Variants in KLRD1 observed in about 807,000 individuals in gnomAD.
The protein encoded by KLRD1 is natural killer cells antigen CD94.
A neutral mutation model predicts 22.6 loss-of-function variants in KLRD1; 21 were observed. That is an observed-to-expected ratio of 0.93 (90% CI 0.66 to 1.34). The LOEUF is 1.34. KLRD1 is among the 40% of genes most tolerant of loss of function. The pLI, the probability that KLRD1 is intolerant of heterozygous loss-of-function variation, is 0.00. For synonymous variants in KLRD1, 59 were observed against 71.1 expected (o/e 0.83, Z 0.85); for missense variants, 183 against 208.6 (o/e 0.88, Z 0.76).
rs1021137866 is a variant in KLRD1 at position 10,269,551 on chromosome 12, A to C, written c.-100-38427A>C. 1.6e-4 allele frequency among the ~76,000 whole-genome samples: 24 copies of C among 152,162 alleles called. 1 individual carries two copies. The highest frequency in any genetic ancestry group is 1.1e-3 in the Admixed American group (17 of 15,272). On this transcript the variant is annotated intron_variant, in intron 1 of 5. Transcript: ENST00000544747. ...CTGCAGTATGTAGTAATATTTATTC[A>C]AATTGTCTCTTTTTTCCCAAGTCAT...
intron 1 of KLRD1, among the ~76,000 whole-genome samples, chr12:10,292,115 C>T (rs1267684224): frequency 6.6e-6 from 1 of 152,182 alleles, no homozygotes; most frequent in Non-Finnish European, 1.5e-5. Flanking sequence ...TCAGGCTTCA[C>T]TTCTCATTCT....
At chr12:10,268,203 G>C (rs10845099) in intron 1 of KLRD1, among the ~76,000 whole-genome samples, 111,847 of 152,110 alleles carry the variant, frequency 0.74, 46,143 homozygotes, top group Non-Finnish European at 0.92. Context: ...CAGATGTGGA[G>C]AATTACACTG....
intron 1 of KLRD1, among the ~76,000 whole-genome samples, chr12:10,285,601 G>GT (rs200872556): frequency 3.3e-5 from 5 of 151,822 alleles, no homozygotes; most frequent in East Asian, 3.9e-4. Flanking sequence ...CCTTAAAGTT[G>GT]TTTTTTTTGT....
At chr12:10,284,132 G>A (rs1356392533) in intron 1 of KLRD1, among the ~76,000 whole-genome samples, 1 of 152,128 alleles carries the variant, frequency 6.6e-6, no homozygotes, top group East Asian at 1.9e-4. Flanking sequence ...GTTGCAGTGA[G>A]CCCAGATCGC....
At chr12:10,263,164 C>G (rs1482808919) in intron 1 of KLRD1, among the ~76,000 whole-genome samples, 1 of 151,740 alleles carries the variant, frequency 6.6e-6, no homozygotes, top group Non-Finnish European at 1.5e-5. Context: ...ATTATACAAA[C>G]TCTCTCTAAT....
At chr12:10,263,963 A>G (rs1414343688) in intron 1 of KLRD1, among the ~76,000 whole-genome samples, 1 of 152,110 alleles carries the variant, frequency 6.6e-6, no homozygotes, top group Non-Finnish European at 1.5e-5. Flanking sequence ...GTGGCTAGTC[A>G]TGGACATGAT....
chr12:10,308,924 C>G (rs2137691803), intron 1 of KLRD1: 1 of 154,816 alleles, frequency 6.5e-6, no homozygotes, highest in South Asian at 2.0e-4. Context: ...TGGATACTTA[C>G]TTGCTTTGAT....
At chr12:10,313,787 T>C (rs1332743605) in intron 5 of KLRD1, among the ~76,000 whole-genome samples, 1 of 152,210 alleles carries the variant, frequency 6.6e-6, no homozygotes, top group Non-Finnish European at 1.5e-5. Context: ...AACCATTACA[T>C]GCTTGCCTGT....
At chr12:10,311,686 C>A in intron 4 of KLRD1, 71 bp downstream of exon 4, 1 of 1,485,410 alleles carries the variant, frequency 6.7e-7, no homozygotes, top group Admixed American at 1.8e-5. Flanking sequence ...AAGTTAAATA[C>A]TTTGGTTTAA....
chr12:10,240,972 A>G (rs1435901728), intron 1 of KLRD1, among the ~76,000 whole-genome samples: 1 of 152,068 alleles, frequency 6.6e-6, no homozygotes, highest in Non-Finnish European at 1.5e-5. Context: ...TTTTCTATAT[A>G]TATCCTGTGT....
intron 1 of KLRD1, among the ~76,000 whole-genome samples, chr12:10,275,934 G>T (rs1289698516): frequency 6.6e-6 from 1 of 152,074 alleles, no homozygotes. Flanking sequence ...TTATTACAAT[G>T]CTTCCTCCTA....
intron 1 of KLRD1, among the ~76,000 whole-genome samples, chr12:10,250,951 G>A (rs10845091): frequency 0.75 from 114,339 of 151,960 alleles, 43,575 homozygotes; most frequent in East Asian, 1. Flanking sequence ...GCCATGTTTC[G>A]TTCATTTACC....
In KLRD1 at chr12:10,309,668, C is replaced by T. The variant is rs146307086; in HGVS notation, c.143C>T (p.Pro48Leu). ...ATTGAGCCAGCATTTACTCCAGGAC[C>T]CAACATAGAACTCCAGAAAGGTAGG... ...LSIEPAFTPGPNIELQKDSDC... is the reference protein window; with the variant it reads ...LSIEPAFTPGLNIELQKDSDC... Residue 48 changes from proline (P) to leucine (L), a missense_variant, in exon 3 of 6, where the codon CCC (proline) becomes CTC (leucine). Physicochemically the swap from Pro to Leu is moderately conservative, Grantham distance 98. Coordinates refer to ENST00000336164, the MANE Select transcript of KLRD1 (RefSeq NM_002262.5). The T allele has an allele frequency of 6.0e-5, 97 of 1,612,714 alleles. No individual in the cohort carries two copies. In the Admixed American group the frequency reaches 8.0e-4, roughly 13 times the overall value.
chr12:10,244,094 A>G (rs1013880997), intron 1 of KLRD1, among the ~76,000 whole-genome samples: 2 of 152,034 alleles, frequency 1.3e-5, no homozygotes, highest in African/African-American at 4.8e-5. Flanking sequence ...CAAATAGGTC[A>G]CTTGTTGTTG....
intron 1 of KLRD1, among the ~76,000 whole-genome samples, chr12:10,272,694 A>G (rs60221429): frequency 0.05 from 7,576 of 152,300 alleles, 314 homozygotes; most frequent in East Asian, 0.15. Context: ...AAGTCTTAAT[A>G]TTGCGACATC....
At chr12:10,294,175 C>T (rs1437796938) in intron 1 of KLRD1, among the ~76,000 whole-genome samples, 2 of 152,038 alleles carry the variant, frequency 1.3e-5, no homozygotes, top group African/African-American at 2.4e-5. Flanking sequence ...TACAACGCAC[C>T]CAAATATGTG....
upstream of KLRD1, among the ~76,000 whole-genome samples, chr12:10,301,696 G>T (rs1949868006): frequency 6.6e-6 from 1 of 152,130 alleles, no homozygotes; most frequent in Non-Finnish European, 1.5e-5. Flanking sequence ...GTGTTCATTT[G>T]GGGTAGCACT....
intron 1 of KLRD1, among the ~76,000 whole-genome samples, chr12:10,265,893 C>T (rs1035283509): frequency 3.3e-5 from 5 of 152,158 alleles, no homozygotes; most frequent in Admixed American, 2.6e-4. Context: ...CTCCTTTAAA[C>T]AAGTAACACA....
intron 1 of KLRD1, among the ~76,000 whole-genome samples, chr12:10,295,928 A>G (rs1949817235): frequency 6.6e-6 from 1 of 152,152 alleles, no homozygotes; most frequent in Non-Finnish European, 1.5e-5. Flanking sequence ...GCAGAGTGAG[A>G]TTTTAGTCTT....
Sources: gnomAD v4.1 joint callset for allele counts (sites outside exome capture counted in the v4.1 genomes callset) on GRCh38, gnomAD v4.1.1 for gene constraint, MANE v1.5 for transcripts, NCBI Gene and HGNC (gene_info 2026-07-23, HGNC 2026-07-21) for gene names.